Variants in PPP6R3 observed in about 807,000 individuals in gnomAD.
The protein encoded by PPP6R3 is serine/threonine-protein phosphatase 6 regulatory subunit 3.
A neutral mutation model predicts 110.7 loss-of-function variants in PPP6R3; 38 were observed. The ratio of observed to expected loss-of-function variants is 0.34; its 90% confidence interval spans 0.26 to 0.45. The LOEUF (loss-of-function observed/expected upper bound fraction) is 0.45, where lower values mean the gene tolerates loss of function less well. PPP6R3 is among the 20% of genes least tolerant of loss of function. The pLI is 1.00. For missense variants in PPP6R3, 870 were observed against 1,062.4 expected (o/e 0.82, Z 2.52); for synonymous variants, 369 against 373.5 (o/e 0.99, Z 0.14).
chr11:68,584,036 C>A (rs2099570513), intron 15 of PPP6R3, among the ~76,000 whole-genome samples: 1 of 152,200 alleles, frequency 6.6e-6, no homozygotes, highest in Admixed American at 6.5e-5. Context: ...TTGAGCTAAG[C>A]AATTGTTTGA....
At chr11:68,477,115 C>G (rs2098838093) in intron 1 of PPP6R3, among the ~76,000 whole-genome samples, 1 of 151,666 alleles carries the variant, frequency 6.6e-6, no homozygotes, top group Non-Finnish European at 1.5e-5. Flanking sequence ...TTAGTTTGTG[C>G]AGATTTTCAT....
At chr11:68,482,986 C>T (rs543685294) in intron 1 of PPP6R3, among the ~76,000 whole-genome samples, 42 of 152,140 alleles carry the variant, frequency 2.8e-4, no homozygotes, top group Non-Finnish European at 5.0e-4. Flanking sequence ...TAGCCATTTC[C>T]CATATCAAGG....
chr11:68,569,208 T>C (rs748224697), intron 10 of PPP6R3, among the ~76,000 whole-genome samples: 3 of 152,230 alleles, frequency 2.0e-5, no homozygotes, highest in Non-Finnish European at 4.4e-5. Context: ...CTAGATTCCA[T>C]ACCAGTTCTG....
intron 1 of PPP6R3, among the ~76,000 whole-genome samples, chr11:68,461,494 T>TGGG (rs61434771): frequency 1.2e-5 from 1 of 83,290 alleles, no homozygotes; most frequent in Non-Finnish European, 2.4e-5. Context: ...GAGCCGGGGG[T>TGGG]GGGGGGGGTG....
chr11:68,462,598 G>GGATTGCAGTATTTCC (rs1459286888), intron 1 of PPP6R3, among the ~76,000 whole-genome samples: 1 of 152,186 alleles, frequency 6.6e-6, no homozygotes, highest in Non-Finnish European at 1.5e-5. Flanking sequence ...GTATTCTTCA[G>GGATTGCAGTATTTCC]CAAAGATAGT....
Position 68,569,750 on chromosome 11 carries a change from C to A in PPP6R3, c.1131C>A (p.Asn377Lys). 1.3e-6 allele frequency: 2 copies of A among 1,568,216 alleles called. No homozygotes were observed. Among genetic ancestry groups the A allele is most frequent in the South Asian group, 1.2e-5 (1 of 84,724 alleles). ...AACATGGTTTTTCTTTTTTGTAGAA[C>A]ATGTTCTTCAAGTATACATGGAATA... ...MELNSIGVIL[N>K]MFFKYTWNNF... Residue 377 changes from asparagine (N) to lysine (K), a missense_variant and splice_region_variant, in exon 11 of 24, where the codon AAC becomes AAA. By Grantham distance (94) the Asn-to-Lys change is moderately conservative. Coordinates refer to ENST00000393800, the MANE Select transcript of PPP6R3 (RefSeq NM_001164161.2).
At chr11:68,475,635 T>A (rs2098824569) in intron 1 of PPP6R3, among the ~76,000 whole-genome samples, 1 of 141,564 alleles carries the variant, frequency 7.1e-6, no homozygotes, top group Admixed American at 6.9e-5. Context: ...GGGTGGGGGC[T>A]GCCCCCCACC....
intron 1 of PPP6R3, among the ~76,000 whole-genome samples, chr11:68,494,571 A>G (rs1290674794): frequency 6.6e-6 from 1 of 152,150 alleles, no homozygotes; most frequent in Non-Finnish European, 1.5e-5. Context: ...ATGGATTTTC[A>G]TTAAGAAAAT....
chr11:68,503,552 C>A, intron 1 of PPP6R3, among the ~76,000 whole-genome samples: 1 of 152,086 alleles, frequency 6.6e-6, no homozygotes, highest in South Asian at 2.1e-4. Context: ...AGAAGCCAGG[C>A]GAGGAGAATG....
intron 1 of PPP6R3, among the ~76,000 whole-genome samples, chr11:68,467,079 G>A (rs2098753671): frequency 6.6e-6 from 1 of 152,258 alleles, no homozygotes; most frequent in Non-Finnish European, 1.5e-5. Flanking sequence ...TGGGCAAAGA[G>A]CTGGCTTTAC....
intron 1 of PPP6R3, among the ~76,000 whole-genome samples, chr11:68,477,737 A>ATATAT (rs1555021085): frequency 3.1e-5 from 2 of 64,554 alleles, no homozygotes; most frequent in African/African-American, 1.2e-4. Flanking sequence ...TTAAAAAAAA[A>ATATAT]AAAAATATAT....
At position 68,574,155 on chromosome 11, in the gene PPP6R3, A is replaced by G. The variant is rs755703702; in HGVS notation, c.1390A>G (p.Ile464Val). The G allele has an allele frequency of 9.9e-6, 16 of 1,614,128 alleles. No homozygotes were observed. Among genetic ancestry groups the G allele is most frequent in the Non-Finnish European group, 1.4e-5 (16 of 1,179,954 alleles). The change falls in exon 13 of 24, where the codon ATA (isoleucine) becomes GTA (valine). Residue 464 changes from isoleucine (I) to valine (V), a missense_variant. By Grantham distance (29) the Ile-to-Val change is conservative. Transcript: ENST00000393800. ...TGGTTACATGGGACACCTAACGAGG[A>G]TAGCTAACTGTATCGTGCACAGCAC... ...RHGYMGHLTR[I>V]ANCIVHSTDK...
At chr11:68,582,164 C>A (rs897918868) in intron 14 of PPP6R3, among the ~76,000 whole-genome samples, 1 of 152,220 alleles carries the variant, frequency 6.6e-6, no homozygotes, top group African/African-American at 2.4e-5. Context: ...CAAAACACTT[C>A]TGTGAAAAGT....
At chr11:68,493,618 T>G (rs2098997121) in intron 1 of PPP6R3, among the ~76,000 whole-genome samples, 2 of 65,690 alleles carry the variant, frequency 3.0e-5, no homozygotes, top group Admixed American at 1.6e-4. Flanking sequence ...AACAAAACCA[T>G]ATATATATAT....
chr11:68,544,675 G>C (rs1268988679), intron 3 of PPP6R3, among the ~76,000 whole-genome samples, 163 bp from the exon 4 acceptor site: 2 of 152,238 alleles, frequency 1.3e-5, no homozygotes, highest in African/African-American at 4.8e-5. Flanking sequence ...ATTTATTTTA[G>C]TCTGGAGGTA....
intron 1 of PPP6R3, among the ~76,000 whole-genome samples, chr11:68,486,594 ACT>A (rs1402659530): frequency 3.0e-5 from 4 of 132,234 alleles, no homozygotes; most frequent in Non-Finnish European, 6.2e-5. Flanking sequence ...ACAGAGCAAG[ACT>A]CTGTCTTAAA....
intron 1 of PPP6R3, among the ~76,000 whole-genome samples, chr11:68,477,261 G>C (rs745505723): frequency 6.6e-6 from 1 of 151,884 alleles, no homozygotes; most frequent in East Asian, 1.9e-4. Flanking sequence ...GTGGGTGTTA[G>C]AATACAACAC....
At chr11:68,587,387 A>G (rs2099582086) in intron 15 of PPP6R3, 2 of 157,010 alleles carry the variant, frequency 1.3e-5, no homozygotes, top group Non-Finnish European at 2.8e-5. Context: ...AGCCTCTAAG[A>G]CTTAATTTTT....
intron 1 of PPP6R3, among the ~76,000 whole-genome samples, chr11:68,513,931 G>T (rs188483048): frequency 2.0e-4 from 31 of 152,302 alleles, no homozygotes; most frequent in African/African-American, 7.5e-4. Flanking sequence ...TTAGCTCTCT[G>T]AGCAACTGCA....
Sources: allele counts gnomAD v4.1 joint callset (sites outside exome capture counted in the v4.1 genomes callset), GRCh38; gene constraint gnomAD v4.1.1; transcripts MANE v1.5; gene names NCBI Gene and HGNC (gene_info 2026-07-23, HGNC 2026-07-21).